Variants in SVOPL observed in about 807,000 individuals in gnomAD.
SVOPL encodes the protein putative transporter SVOPL.
In SVOPL, 60 loss-of-function variants were observed where a neutral mutation model predicts 61.0. The ratio of observed to expected loss-of-function variants is 0.98; its 90% CI spans 0.80 to 1.22. The LOEUF is 1.22. Ranked by LOEUF, SVOPL falls within the 50% of genes most tolerant of loss-of-function variation. SVOPL has a pLI of 0.00. For missense variants in SVOPL, 662 were observed against 643.9 expected (o/e 1.03, Z -0.30); for synonymous variants, 279 against 250.0 (o/e 1.12, Z -1.09).
intron 14 of SVOPL, among the ~76,000 whole-genome samples, chr7:138,613,518 C>A (rs904322604): frequency 6.6e-6 from 1 of 152,024 alleles, no homozygotes; most frequent in African/African-American, 2.4e-5. Flanking sequence ...TGTCCCACCT[C>A]GAGGCCCTCA....
rs1799657255 is a variant in SVOPL, at chr7:138,622,144, A to G, written c.1264-1009T>C. Among the ~76,000 whole-genome samples, 38 of 131,670 alleles carry G rather than the reference A, an allele frequency of 2.9e-4. 2 individuals are homozygous for G. Among genetic ancestry groups the G allele is most frequent in the African/African-American group, 7.1e-4 (27 of 38,216 alleles). 86.4% of individuals were successfully genotyped at this position (131,670 alleles called of 152,430 possible). A position where few individuals can be genotyped will look rare whatever the true frequency, so the allele number is the denominator to read the frequency against. On this transcript the variant is annotated intron_variant, in intron 13 of 15. Transcript: ENST00000674285. Reference sequence around the variant, plus strand: ...TATGTATCTATCTATCTATGTATCTATCTATGTATCTATCTGTCTATGTAT... The same window carrying G: ...TATGTATCTATCTATCTATGTATCTGTCTATGTATCTATCTGTCTATGTAT...
At chr7:138,622,449 C>T (rs560718500) in intron 13 of SVOPL, among the ~76,000 whole-genome samples, 24 of 151,680 alleles carry the variant, frequency 1.6e-4, no homozygotes, top group African/African-American at 5.3e-4. Flanking sequence ...CATGCACCAC[C>T]GTGCCTGGCT....
At chr7:138,679,107 A>G (rs1802644131) in intron 1 of SVOPL, 28 bp from the exon 2 acceptor site, 4 of 1,439,582 alleles carry the variant, frequency 2.8e-6, no homozygotes, top group Non-Finnish European at 2.9e-6. Context: ...GGGAAGAAGG[A>G]AAGAAATATA....
intron 8 of SVOPL, 105 bp from the exon 9 acceptor site, chr7:138,644,950 A>G: frequency 7.0e-7 from 1 of 1,436,684 alleles, no homozygotes. Flanking sequence ...CAAGATAGGA[A>G]AAGTATGTAA....
intron 1 of SVOPL, among the ~76,000 whole-genome samples, chr7:138,692,884 C>T (rs1217201451): frequency 6.6e-6 from 1 of 152,084 alleles, no homozygotes; most frequent in Non-Finnish European, 1.5e-5. Context: ...CAGCCAATTA[C>T]ATATAACAAA....
intron 7 of SVOPL, among the ~76,000 whole-genome samples, chr7:138,651,333 A>G (rs1415629894): frequency 6.6e-6 from 1 of 152,204 alleles, no homozygotes; most frequent in Non-Finnish European, 1.5e-5. Context: ...AATTGGACCT[A>G]TGGCTTCAAG....
At chr7:138,611,885 C>T (rs1308856590) in intron 14 of SVOPL, among the ~76,000 whole-genome samples, 23 of 72,740 alleles carry the variant, frequency 3.2e-4, no homozygotes, top group Admixed American at 1.1e-3. Flanking sequence ...GCCACCCCGT[C>T]TGGGAGGTGT....
At chr7:138,632,344 G>A (rs1800244341) in intron 9 of SVOPL, among the ~76,000 whole-genome samples, 1 of 152,240 alleles carries the variant, frequency 6.6e-6, no homozygotes, top group African/African-American at 2.4e-5. Context: ...TGAGGCAGGA[G>A]ACTCGCTTGA....
chr7:138,633,219 G>A (rs1170057876), intron 9 of SVOPL, among the ~76,000 whole-genome samples: 1 of 152,138 alleles, frequency 6.6e-6, no homozygotes, highest in Non-Finnish European at 1.5e-5. Flanking sequence ...TGAATCCTTT[G>A]GAAGAAAGTT....
At chr7:138,648,877 G>A (rs117610237) in intron 8 of SVOPL, 135 bp downstream of exon 8, 20,152 of 1,312,596 alleles carry the variant, frequency 0.015, 293 homozygotes, top group South Asian at 0.063. Context: ...AGCCGAGATT[G>A]CACCTCTGCA....
At chr7:138,672,922 AAG>A (rs1361711533) in intron 3 of SVOPL, among the ~76,000 whole-genome samples, 6 of 151,170 alleles carry the variant, frequency 4.0e-5, no homozygotes, top group African/African-American at 1.2e-4. Context: ...AAAAAAAAAA[AAG>A]AAGGAGATGC....
rs982446795 is a variant in SVOPL at position 138,701,214 on chromosome 7, C to G, written c.-71G>C. The G allele has an allele frequency of 6.6e-6, 1 of 152,198 alleles. No homozygotes were observed. The highest frequency in any genetic ancestry group is 1.5e-5 in the Non-Finnish European group (1 of 68,050). 9.4% of individuals were successfully genotyped at this position (152,198 alleles called of 1,614,324 possible). On this transcript the variant is annotated 5_prime_UTR_variant, in exon 1 of 16. Coordinates refer to ENST00000674285, the MANE Select transcript of SVOPL (RefSeq NM_001139456.2). ...CCTTGGACAGTCTTCCAATTTCAGG[C>G]TCTTTTGCTCCCCTCACCGTGGCCA...
At position 138,663,158 on chromosome 7, in the gene SVOPL, G is replaced by A; in HGVS notation, c.274-13C>T. 1.2e-6 allele frequency: 2 copies of A among 1,612,354 alleles called. No homozygotes were observed. The highest frequency in any genetic ancestry group is 1.1e-5 in the South Asian group (1 of 90,508). On this transcript the variant is annotated splice_polypyrimidine_tract_variant and intron_variant, in intron 4 of 15. Coordinates refer to ENST00000674285, the MANE Select transcript of SVOPL (RefSeq NM_001139456.2). ...CAAAAAACACCATCTGCAAGTGGGA[G>A]CGAGATAAAACGGTTCTCTAAGCAG...
At chr7:138,603,910 T>A (rs562764933) in intron 14 of SVOPL, among the ~76,000 whole-genome samples, 1 of 151,148 alleles carries the variant, frequency 6.6e-6, no homozygotes, top group South Asian at 2.1e-4. Context: ...TGGCTTTCGA[T>A]AAACCTTTAC....
intron 14 of SVOPL, among the ~76,000 whole-genome samples, chr7:138,602,682 A>C (rs1191058586): frequency 6.7e-6 from 1 of 148,926 alleles, no homozygotes; most frequent in Non-Finnish European, 1.5e-5. Context: ...AGGAGGCTTA[A>C]ACCACAAAAG....
At chr7:138,679,105 G>T in intron 1 of SVOPL, 26 bp from the exon 2 acceptor site, 1 of 1,460,978 alleles carries the variant, frequency 6.8e-7, no homozygotes, top group Non-Finnish European at 9.4e-7. Flanking sequence ...GAGGGAAGAA[G>T]GAAAGAAATA....
At chr7:138,693,571 A>AAGAAAGAAAGAT (rs1802997702) in intron 1 of SVOPL, among the ~76,000 whole-genome samples, 1 of 148,284 alleles carries the variant, frequency 6.7e-6, no homozygotes, top group Non-Finnish European at 1.5e-5. Context: ...GAAAGAAAGA[A>AAGAAAGAAAGAT]AGAAAAAAGG....
At chr7:138,630,212 T>A (rs768611839) in intron 9 of SVOPL, 90 bp from the exon 10 acceptor site, 23 of 1,108,936 alleles carry the variant, frequency 2.1e-5, no homozygotes, top group Non-Finnish European at 3.2e-5. Flanking sequence ...AAGATGAGAA[T>A]CATATTGGAG....
In SVOPL at chr7:138,679,017, G is replaced by C. The variant is rs369004741; in HGVS notation, c.29C>G (p.Thr10Arg). Residue 10 changes from threonine (T) to arginine (R), a missense_variant, in exon 2 of 16, where the codon ACG becomes AGG. Thr to Arg is a moderately conservative substitution (Grantham distance 71). Coordinates refer to ENST00000674285, the MANE Select transcript of SVOPL (RefSeq NM_001139456.2). MATKPTEPVTILSLRKLSLG... is the reference protein window; with the variant it reads MATKPTEPVRILSLRKLSLG... ...GCTCAATTTCCGAAGGCTGAGGATC[G>C]TGACAGGCTCTGTTGGCTTGGTTGC... 71 of 1,551,480 alleles carry C rather than the reference G, an allele frequency of 4.6e-5. No homozygotes were observed. The highest frequency in any genetic ancestry group is 6.2e-5 in the Non-Finnish European group (71 of 1,146,968).
Sources: allele counts gnomAD v4.1 joint callset (sites outside exome capture counted in the v4.1 genomes callset), GRCh38; gene constraint gnomAD v4.1.1; transcripts MANE v1.5; gene names NCBI Gene and HGNC (gene_info 2026-07-23, HGNC 2026-07-21).